Variants in SMG6 observed in about 807,000 individuals in gnomAD.
The protein encoded by SMG6 is SMG6 nonsense mediated mRNA decay factor, also known as telomerase-binding protein EST1A.
SMG6 carries 66 observed loss-of-function variants against 142.2 expected under a neutral mutation model. The ratio of observed to expected loss-of-function variants is 0.46; its 90% CI spans 0.38 to 0.57. The LOEUF is 0.57. Among genes scored for constraint, SMG6 ranks in the 20% least tolerant of loss-of-function variants. The probability of loss-of-function intolerance (pLI) is 0.00; values close to 1 mark genes in which losing one functional copy is unlikely to be tolerated. For missense variants in SMG6, 1,793 were observed against 1,832.0 expected, an observed-to-expected ratio of 0.98 and a Z score of 0.39; for synonymous variants, 779 against 702.4, an observed-to-expected ratio of 1.11 and a Z score of -1.72.
intron 13 of SMG6, among the ~76,000 whole-genome samples, chr17:2,128,158 AC>A (rs1020246498): frequency 6.6e-6 from 1 of 152,238 alleles, no homozygotes; most frequent in Non-Finnish European, 1.5e-5. Flanking sequence ...GCAAGGCCCC[AC>A]AGGCACATCC....
intron 8 of SMG6, among the ~76,000 whole-genome samples, chr17:2,270,308 A>G (rs2074518438): frequency 6.6e-6 from 1 of 152,232 alleles, no homozygotes; most frequent in African/African-American, 2.4e-5. Flanking sequence ...TATATGACCT[A>G]CTGAAAATAG....
Position 2,112,222 on chromosome 17 carries a change from C to T in SMG6, c.3358-26321G>A, listed in dbSNP as rs1416231060. On this transcript the variant is annotated intron_variant, in intron 13 of 18. Coordinates refer to ENST00000263073, the MANE Select transcript of SMG6 (RefSeq NM_017575.5). Reference sequence around the variant, plus strand: ...GCTTCCCTCTTAAAAAAAAAAAAGTCGGCCGGGCGCGGTGGCTCACGCCTG... The same window carrying T: ...GCTTCCCTCTTAAAAAAAAAAAAGTTGGCCGGGCGCGGTGGCTCACGCCTG... Among the ~76,000 whole-genome samples the T allele has an allele frequency of 3.6e-4, 54 of 151,434 alleles. 1 individual carries two copies. Among genetic ancestry groups the T allele is most frequent in the Admixed American group, 3.3e-3 (50 of 15,194 alleles).
At position 2,110,081 on chromosome 17, in the gene SMG6, CAAAAAAA is replaced by C. The variant is rs57135671; in HGVS notation, c.3358-24187_3358-24181del. Among the ~76,000 whole-genome samples the C allele has an allele frequency of 3.0e-4, 26 of 87,916 alleles. 1 individual carries two copies. Among genetic ancestry groups the C allele is most frequent in the Admixed American group, 1.4e-3 (12 of 8,356 alleles). 57.7% of individuals were successfully genotyped at this position (87,916 alleles called of 152,430 possible). A position where few individuals can be genotyped will look rare whatever the true frequency, so the allele number is the denominator to read the frequency against. On this transcript the variant is annotated intron_variant, in intron 13 of 18. Coordinates refer to ENST00000263073, the MANE Select transcript of SMG6 (RefSeq NM_017575.5). ...TGGGCGACAGAGTGAGATTCCATCTCAAAAAAAAAAAAAAAAAAAAAAAAGACAACAC... is the reference window on the plus strand; with the variant it reads ...TGGGCGACAGAGTGAGATTCCATCTCAAAAAAAAAAAAAAAAAGACAACAC...
chr17:2,277,749 A>G (rs2074693942), intron 8 of SMG6, among the ~76,000 whole-genome samples: 1 of 152,148 alleles, frequency 6.6e-6, no homozygotes, highest in Non-Finnish European at 1.5e-5. Flanking sequence ...CCTTTTTGTT[A>G]AAAAATGTAT....
At chr17:2,199,271 T>C (rs1381528044) in intron 10 of SMG6, among the ~76,000 whole-genome samples, 1 of 152,220 alleles carries the variant, frequency 6.6e-6, no homozygotes, top group East Asian at 1.9e-4. Flanking sequence ...AGTACTGTTT[T>C]CTTCATAAAG....
intron 13 of SMG6, among the ~76,000 whole-genome samples, chr17:2,134,462 A>G (rs2070228497): frequency 7.0e-6 from 1 of 142,630 alleles, no homozygotes; most frequent in East Asian, 2.0e-4. Flanking sequence ...AATGCCTCCT[A>G]GAACTGTAGT....
At chr17:2,074,571 A>G (rs986429721) in intron 15 of SMG6, among the ~76,000 whole-genome samples, 3 of 152,216 alleles carry the variant, frequency 2.0e-5, no homozygotes, top group African/African-American at 4.8e-5. Context: ...TTTAAAAGTG[A>G]TAACTATGGC....
intron 13 of SMG6, among the ~76,000 whole-genome samples, chr17:2,117,930 T>C (rs2069558135): frequency 6.6e-6 from 1 of 152,172 alleles, no homozygotes; most frequent in South Asian, 2.1e-4. Flanking sequence ...TTTTAGTTCT[T>C]ATATTACACC....
intron 8 of SMG6, among the ~76,000 whole-genome samples, chr17:2,251,455 G>A (rs1338211736): frequency 3.3e-5 from 5 of 152,104 alleles, no homozygotes; most frequent in African/African-American, 4.8e-5. Context: ...GTTCAGGGCT[G>A]GATGACAGCT....
chr17:2,066,081 C>CGA, intron 16 of SMG6: 1 of 223,050 alleles, frequency 4.5e-6, no homozygotes, highest in Non-Finnish European at 9.2e-6. Flanking sequence ...ACTCCTTGGG[C>CGA]CCACACACAC....
In SMG6 at chr17:2,207,381, G is replaced by C. The variant is rs529706539; in HGVS notation, c.2870-18866C>G. Among the ~76,000 whole-genome samples the C allele has an allele frequency of 9.9e-5, 15 of 152,220 alleles. No individual in the cohort carries two copies. In the South Asian group the frequency reaches 3.1e-3, roughly 32 times the overall value. On this transcript the variant is annotated intron_variant, in intron 10 of 18. Transcript: ENST00000263073. Reference sequence around the variant, plus strand: ...CATGATGGGTTTCTTTAAATAGAGGGATACCTGCTATCTAATGCAGTTGTT... The same window carrying C: ...CATGATGGGTTTCTTTAAATAGAGGCATACCTGCTATCTAATGCAGTTGTT...
At chr17:2,131,672 G>A (rs1387147675) in intron 13 of SMG6, among the ~76,000 whole-genome samples, 1 of 152,136 alleles carries the variant, frequency 6.6e-6, no homozygotes, top group East Asian at 1.9e-4. Context: ...TTTATGCAAA[G>A]AAAATGCTGT....
intron 6 of SMG6, among the ~76,000 whole-genome samples, chr17:2,291,610 T>C (rs2075038794): frequency 6.6e-6 from 1 of 151,824 alleles, no homozygotes. Context: ...TTTCAATCCA[T>C]AATTATTAAG....
chr17:2,143,425 C>T (rs1315708867), intron 13 of SMG6, among the ~76,000 whole-genome samples: 1 of 152,094 alleles, frequency 6.6e-6, no homozygotes, highest in Non-Finnish European at 1.5e-5. Flanking sequence ...CTGATATGAG[C>T]TGTGACATGG....
chr17:2,302,882 A>T, intron 1 of SMG6: 1 of 784,288 alleles, frequency 1.3e-6, no homozygotes, highest in Non-Finnish European at 1.5e-6. Context: ...TTAATAATCC[A>T]ATTATGTTAA....
chr17:2,144,035 T>C (rs2070576816), intron 13 of SMG6, among the ~76,000 whole-genome samples: 1 of 147,162 alleles, frequency 6.8e-6, no homozygotes, highest in Non-Finnish European at 1.5e-5. Context: ...TATAAGTGCA[T>C]GCCACCACGG....
chr17:2,293,833 C>A (rs149922871), intron 4 of SMG6, among the ~76,000 whole-genome samples: 1 of 152,198 alleles, frequency 6.6e-6, no homozygotes, highest in African/African-American at 2.4e-5. Context: ...AATTGTACCA[C>A]GGCATTACAT....
chr17:2,243,543 C>T (rs1023230787), intron 9 of SMG6, among the ~76,000 whole-genome samples: 3 of 152,016 alleles, frequency 2.0e-5, no homozygotes, highest in Non-Finnish European at 1.5e-5. Flanking sequence ...TAGCCAGACG[C>T]GGTGGCATGT....
intron 8 of SMG6, among the ~76,000 whole-genome samples, chr17:2,247,449 G>T (rs2073950515): frequency 6.6e-6 from 1 of 152,074 alleles, no homozygotes; most frequent in South Asian, 2.1e-4. Context: ...TTATAAACTG[G>T]TTCTATTTAT....
Sources: gnomAD v4.1 joint callset for allele counts (sites outside exome capture counted in the v4.1 genomes callset) on GRCh38, gnomAD v4.1.1 for gene constraint, MANE v1.5 for transcripts, NCBI Gene and HGNC (gene_info 2026-07-23, HGNC 2026-07-21) for gene names.